Variants in SMAD2 observed in about 807,000 individuals in gnomAD.
SMAD2 encodes the protein MAD homolog 2.
In SMAD2, 8 loss-of-function variants were observed where a neutral mutation model predicts 64.4. The observed-to-expected ratio is 0.12, with a 90% CI of 0.07 to 0.22. The LOEUF is 0.22. Ranked by LOEUF, SMAD2 falls within the 10% of genes least tolerant of loss-of-function variation. SMAD2 has a pLI of 1.00. For missense variants in SMAD2, 289 were observed against 561.2 expected, an observed-to-expected ratio of 0.51 and a Z score of 4.90; for synonymous variants, 203 against 195.8, an observed-to-expected ratio of 1.04 and a Z score of -0.31.
At chr18:47,913,741 G>C (rs980879578) in intron 1 of SMAD2, among the ~76,000 whole-genome samples, 5 of 152,168 alleles carry the variant, frequency 3.3e-5, no homozygotes, top group African/African-American at 1.2e-4. Context: ...TTATAATCAA[G>C]TTGCTATCAA....
chr18:47,898,471 A>G (rs1018024519), intron 1 of SMAD2, among the ~76,000 whole-genome samples: 1 of 152,232 alleles, frequency 6.6e-6, no homozygotes, highest in African/African-American at 2.4e-5. Context: ...ACAGTTTTTA[A>G]GCACACTTTG....
rs147527171 is a variant in SMAD2, at chr18:47,893,944, C to A, written c.236+2577G>T. 1.6e-4 allele frequency among the ~76,000 whole-genome samples: 25 copies of A among 152,276 alleles called. No homozygotes were observed. In the East Asian group the frequency reaches 4.8e-3, roughly 29 times the overall value. On this transcript the variant is annotated intron_variant, in intron 2 of 10. Transcript: ENST00000262160. The stretch of plus-strand genomic sequence containing the variant: ...TAATGGACAATTATCACTTCAACTT[C>A]ATTAATCAGGTGAGAGGGCAGAAAA...
chr18:47,850,027 T>C (rs1254545893), intron 7 of SMAD2, among the ~76,000 whole-genome samples: 1 of 149,578 alleles, frequency 6.7e-6, no homozygotes, highest in East Asian at 2.0e-4. Flanking sequence ...TAAAAATAAA[T>C]ACAATTTGTA....
At position 47,832,776 on chromosome 18, in the gene SMAD2, T is replaced by C. The variant is rs1272868158; in HGVS notation, c.*9051A>G. ...TGTTTACAGCATAGATCTTATGTAT[T>C]AGAGCGCTAATGTAGCATAGGCAAA... On this transcript the variant is annotated 3_prime_UTR_variant, in exon 11 of 11. Coordinates refer to ENST00000262160, the MANE Select transcript of SMAD2 (RefSeq NM_005901.6). The C allele has an allele frequency of 6.6e-6, 1 of 152,260 alleles. No homozygotes were observed. Among genetic ancestry groups the C allele is most frequent in the Non-Finnish European group, 1.5e-5 (1 of 68,070 alleles). 9.4% of individuals were successfully genotyped at this position (152,260 alleles called of 1,614,324 possible).
At chr18:47,902,449 A>G (rs2033721751) in intron 1 of SMAD2, among the ~76,000 whole-genome samples, 1 of 152,210 alleles carries the variant, frequency 6.6e-6, no homozygotes, top group Admixed American at 6.5e-5. Flanking sequence ...ATGAGTTGAA[A>G]TAATTTGTTG....
intron 8 of SMAD2, among the ~76,000 whole-genome samples, chr18:47,848,162 T>C (rs1914712725): frequency 6.6e-6 from 1 of 152,014 alleles, no homozygotes; most frequent in South Asian, 2.1e-4. Context: ...TAAAAAAGTA[T>C]TAACCCCCAA....
At chr18:47,916,256 C>A (rs2034329904) in intron 1 of SMAD2, among the ~76,000 whole-genome samples, 1 of 152,086 alleles carries the variant, frequency 6.6e-6, no homozygotes, top group Admixed American at 6.5e-5. Flanking sequence ...ATTATAGTAG[C>A]CTTGCAAAAT....
intron 6 of SMAD2, among the ~76,000 whole-genome samples, chr18:47,855,975 C>T (rs114808093): frequency 1.6e-3 from 247 of 152,224 alleles, no homozygotes; most frequent in African/African-American, 5.9e-3. Context: ...AGTGTCCCAT[C>T]AACAGATGAA....
At chr18:47,924,448 C>T (rs1268273307) in intron 1 of SMAD2, among the ~76,000 whole-genome samples, 1 of 151,510 alleles carries the variant, frequency 6.6e-6, no homozygotes, top group African/African-American at 2.4e-5. Flanking sequence ...GATTTGCCAC[C>T]CCACATTTTC....
rs141475705 is a variant in SMAD2, at chr18:47,922,007, C to T, written c.-54+8354G>A. On this transcript the variant is annotated intron_variant, in intron 1 of 10. Transcript: ENST00000262160. ...GAAAAGACTGCTAAACTTGACAGTT[C>T]ATCCGGAAGGCCAGTAGGAAGGGAA... 7.3e-4 allele frequency among the ~76,000 whole-genome samples: 111 copies of T among 152,244 alleles called. 1 individual carries two copies. Among genetic ancestry groups the T allele is most frequent in the South Asian group, 5.6e-3 (27 of 4,828 alleles).
intron 2 of SMAD2, among the ~76,000 whole-genome samples, chr18:47,881,580 ATTTTG>A (rs1463463518): frequency 1.3e-5 from 2 of 152,184 alleles, no homozygotes; most frequent in Non-Finnish European, 2.9e-5. Flanking sequence ...AACCTTTTAT[ATTTTG>A]TTTTCCTGAC....
rs2033448263 is a variant in SMAD2, at chr18:47,896,588, G to A, written c.169C>T (p.Arg57Ter). Residue 57 changes from arginine (R) to a stop codon, truncating the protein, a stop_gained, in exon 2 of 11, where the codon CGA becomes TGA. Transcript: ENST00000262160. LOFTEE classifies it high-confidence loss of function. ...SLVKKLKKTG[R>*]LDELEKAITT... ...ATGGCTTTCTCAAGCTCATCTAATCGTCCTGTTTTCTTTAGCTTCTTCACC... is the reference window on the plus strand; with the variant it reads ...ATGGCTTTCTCAAGCTCATCTAATCATCCTGTTTTCTTTAGCTTCTTCACC... The A allele has an allele frequency of 6.2e-7, 1 of 1,613,886 alleles. No individual in the cohort carries two copies. Among genetic ancestry groups the A allele is most frequent in the African/African-American group, 1.3e-5 (1 of 74,862 alleles).
At chr18:47,893,164 G>C (rs2033281987) in intron 2 of SMAD2, among the ~76,000 whole-genome samples, 2 of 152,176 alleles carry the variant, frequency 1.3e-5, no homozygotes, top group Admixed American at 1.3e-4. Flanking sequence ...CTTTTATTGA[G>C]GTTAAGCTCT....
intron 1 of SMAD2, among the ~76,000 whole-genome samples, chr18:47,919,538 C>T (rs2034481692): frequency 7.2e-6 from 1 of 138,024 alleles, no homozygotes; most frequent in Admixed American, 7.1e-5. Flanking sequence ...GGAGATCTAA[C>T]AAAGAAGAAA....
chr18:47,883,489 C>T (rs180920428), intron 2 of SMAD2, among the ~76,000 whole-genome samples: 7 of 152,252 alleles, frequency 4.6e-5, no homozygotes, highest in East Asian at 1.9e-4. Flanking sequence ...ATAAATATCA[C>T]GTAGGTAGTT....
rs2144236255 is a variant in SMAD2, at chr18:47,821,203, A to T, written c.*20624T>A. ...TCCTGATTTATATCTCACAAGTTCA[A>T]CCTTTGCTGTATCTTGCTGCACCTT... is the stretch of plus-strand genomic sequence containing the variant. On this transcript the variant is annotated 3_prime_UTR_variant, in exon 11 of 11. Transcript: ENST00000262160. 6.6e-6 allele frequency: 1 copy of T among 152,138 alleles called. No homozygotes were observed. The highest frequency in any genetic ancestry group is 1.5e-5 in the Non-Finnish European group (1 of 67,980). The allele number at this position is 152,138 out of a possible 1,614,324, so 9.4% of individuals were successfully genotyped here.
intron 1 of SMAD2, among the ~76,000 whole-genome samples, chr18:47,897,566 C>T (rs1901815117): frequency 2.6e-5 from 4 of 152,178 alleles, no homozygotes; most frequent in African/African-American, 7.2e-5. Flanking sequence ...TACAACTAAC[C>T]ACATTCCCAC....
At chr18:47,854,477 G>C (rs1373420885) in intron 6 of SMAD2, among the ~76,000 whole-genome samples, 1 of 152,042 alleles carries the variant, frequency 6.6e-6, no homozygotes, top group Middle Eastern at 3.2e-3. Context: ...CAATATGATA[G>C]GTTTAAAAGG....
intron 6 of SMAD2, among the ~76,000 whole-genome samples, chr18:47,857,371 T>C (rs966160000): frequency 6.6e-6 from 1 of 152,168 alleles, no homozygotes; most frequent in Non-Finnish European, 1.5e-5. Context: ...TGCGATAGCA[T>C]CTTAGGTTTT....
Sources: allele counts gnomAD v4.1 joint callset (sites outside exome capture counted in the v4.1 genomes callset), GRCh38; gene constraint gnomAD v4.1.1; transcripts MANE v1.5; gene names NCBI Gene and HGNC (gene_info 2026-07-23, HGNC 2026-07-21).